Variants in REV1 observed in about 807,000 individuals in gnomAD.
REV1 encodes the protein translesion synthesis protein REV1.
Under a neutral mutation model 137.4 loss-of-function variants are expected in REV1, and 42 were observed. That is an observed-to-expected ratio of 0.31 (90% CI 0.24 to 0.40). The LOEUF (loss-of-function observed/expected upper bound fraction) is 0.40. Among genes scored for constraint, REV1 ranks in the 10% least tolerant of loss-of-function variants. The pLI is 1.00. For missense variants in REV1, 1,282 were observed against 1,490.1 expected, an observed-to-expected ratio of 0.86 and a Z score of 2.30; for synonymous variants, 524 against 519.2, an observed-to-expected ratio of 1.01 and a Z score of -0.12.
At chr2:99,442,275 A>AAT in intron 5 of REV1, 42 bp downstream of exon 5, 1 of 1,500,720 alleles carries the variant, frequency 6.7e-7, no homozygotes, top group Non-Finnish European at 8.9e-7. Flanking sequence ...AAAAAAAAAA[A>AAT]ACCAACCAGC....
chr2:99,449,551 G>C (rs1483983426), intron 3 of REV1, 47 bp from the exon 4 acceptor site: 3 of 1,009,674 alleles, frequency 3.0e-6, no homozygotes, highest in Non-Finnish European at 4.1e-6. Flanking sequence ...TGTGTAAGAA[G>C]TAGAACCCTA....
chr2:99,478,512 C>T (rs1686232861), intron 1 of REV1, among the ~76,000 whole-genome samples: 1 of 152,168 alleles, frequency 6.6e-6, no homozygotes, highest in Admixed American at 6.5e-5. Context: ...GAAGAAGCCA[C>T]TGATCTTCAC....
chr2:99,425,365 G>T (rs1443676398), intron 9 of REV1, among the ~76,000 whole-genome samples: 1 of 152,162 alleles, frequency 6.6e-6, no homozygotes, highest in Non-Finnish European at 1.5e-5. Context: ...TAAGTCCCTA[G>T]TAGATAAGAA....
chr2:99,419,480 G>C (rs930514627), intron 11 of REV1, among the ~76,000 whole-genome samples: 1 of 152,090 alleles, frequency 6.6e-6, no homozygotes, highest in East Asian at 1.9e-4. Flanking sequence ...AAAGTGCTGG[G>C]ACTACAGGAA....
intron 1 of REV1, among the ~76,000 whole-genome samples, chr2:99,469,715 T>C (rs1207495358): frequency 6.6e-6 from 1 of 152,248 alleles, no homozygotes; most frequent in Non-Finnish European, 1.5e-5. Context: ...GCATTTTTCC[T>C]AATGTTTTAT....
At chr2:99,471,187 T>C (rs934879336) in intron 1 of REV1, among the ~76,000 whole-genome samples, 2 of 152,230 alleles carry the variant, frequency 1.3e-5, no homozygotes, top group African/African-American at 2.4e-5. Flanking sequence ...AACACCTCTC[T>C]GTTTTCAGTG....
chr2:99,420,607 C>T lies in REV1; in HGVS notation c.1831+892G>A, dbSNP rs146889416. On this transcript the variant is annotated intron_variant, in intron 11 of 22. Transcript: ENST00000258428. ...GTAGTCCTGTGTAGCACGGTGTGCC[C>T]CTCCTCTCGGGAAATGGAAGTAACA... is the stretch of plus-strand genomic sequence containing the variant. Among the ~76,000 whole-genome samples the T allele has an allele frequency of 5.5e-3, 843 of 152,348 alleles. 5 individuals are homozygous for T. Among genetic ancestry groups the T allele is most frequent in the Middle Eastern group, 0.027 (8 of 294 alleles).
chr2:99,427,105 C>G (rs1679487646), intron 9 of REV1, among the ~76,000 whole-genome samples: 2 of 152,110 alleles, frequency 1.3e-5, no homozygotes, highest in African/African-American at 4.8e-5. Flanking sequence ...CGGCTTCAAC[C>G]TGGGAGGCAG....
intron 1 of REV1, among the ~76,000 whole-genome samples, chr2:99,471,909 A>C (rs1014627529): frequency 3.6e-4 from 54 of 151,754 alleles, no homozygotes; most frequent in African/African-American, 1.3e-3. Flanking sequence ...AAAAAAAAAA[A>C]AACAAGTGTT....
In REV1 at chr2:99,424,738, T is replaced by C. The variant is rs187536469; in HGVS notation, c.1548-458A>G. On this transcript the variant is annotated intron_variant, in intron 9 of 22. Transcript: ENST00000258428. Reference sequence around the variant, plus strand: ...AAAAGAACTACACAAAACAGTGCTATGTGACAAACAGACAAAATGTACTCA... The same window carrying C: ...AAAAGAACTACACAAAACAGTGCTACGTGACAAACAGACAAAATGTACTCA... The C allele has an allele frequency of 6.7e-4, 869 of 1,299,102 alleles. 3 individuals are homozygous for C. Among genetic ancestry groups the C allele is most frequent in the Middle Eastern group, 3.0e-3 (14 of 4,684 alleles). The allele number at this position is 1,299,102 out of a possible 1,614,324, so 80.5% of individuals were successfully genotyped here.
chr2:99,468,751 T>C (rs556994926), intron 1 of REV1, among the ~76,000 whole-genome samples: 1 of 152,334 alleles, frequency 6.6e-6, no homozygotes, highest in East Asian at 1.9e-4. Flanking sequence ...AAAAAACGGA[T>C]GAAGAGTGAA....
chr2:99,419,023 G>A (rs1678276629), intron 11 of REV1, 76 bp from the exon 12 acceptor site: 11 of 1,164,096 alleles, frequency 9.4e-6, no homozygotes, highest in Non-Finnish European at 1.4e-5. Context: ...TCTTCATACA[G>A]GTTATCCATC....
intron 2 of REV1, among the ~76,000 whole-genome samples, chr2:99,462,944 C>T (rs185538933): frequency 1.2e-4 from 18 of 151,662 alleles, no homozygotes; most frequent in East Asian, 5.8e-4. Flanking sequence ...AAAAATTAGC[C>T]GGGTGCAGTG....
chr2:99,437,492 A>C (rs1024494687), intron 6 of REV1, among the ~76,000 whole-genome samples: 2 of 152,178 alleles, frequency 1.3e-5, no homozygotes, highest in African/African-American at 4.8e-5. Flanking sequence ...ATATTATCTC[A>C]AGAAATGATT....
At chr2:99,404,793 G>A (rs1676043535) in intron 17 of REV1, 116 bp from the exon 18 acceptor site, 8 of 755,786 alleles carry the variant, frequency 1.1e-5, no homozygotes, top group Non-Finnish European at 1.7e-5. Context: ...TCAATGTAAG[G>A]TACAGACCAT....
chr2:99,411,170 C>T (rs547589172), intron 13 of REV1, among the ~76,000 whole-genome samples: 12 of 152,068 alleles, frequency 7.9e-5, no homozygotes, highest in Non-Finnish European at 1.6e-4. Flanking sequence ...TGCCTGTAAT[C>T]GCAGCTACTC....
chr2:99,409,012 A>G (rs1405534387), intron 14 of REV1, among the ~76,000 whole-genome samples: 1 of 152,212 alleles, frequency 6.6e-6, no homozygotes, highest in African/African-American at 2.4e-5. Context: ...CTAAAAGCTG[A>G]GCACAGTGGC....
intron 5 of REV1, among the ~76,000 whole-genome samples, chr2:99,440,128 T>C (rs906650115): frequency 3.4e-4 from 52 of 152,208 alleles, no homozygotes; most frequent in Middle Eastern, 3.2e-3. Context: ...CCAAGTTTCC[T>C]GATGACAGCT....
chr2:99,487,638 T>TA lies in REV1; in HGVS notation c.-11+2178dup, dbSNP rs566094023. ...AACGCTTCAGTTGGTGCTATTATAGTAAAAAAAAACTTTTCATTTTTAAAT... is the reference window on the plus strand; with the variant it reads ...AACGCTTCAGTTGGTGCTATTATAGTAAAAAAAAAACTTTTCATTTTTAAAT... On this transcript the variant is annotated intron_variant, in intron 1 of 22. Transcript: ENST00000258428. Among the ~76,000 whole-genome samples the TA allele has an allele frequency of 1.2e-3, 144 of 117,404 alleles. 38 individuals are homozygous for TA. Among genetic ancestry groups the TA allele is most frequent in the South Asian group, 3.4e-3 (14 of 4,130 alleles). 77.0% of individuals were successfully genotyped at this position (117,404 alleles called of 152,430 possible). A position where few individuals can be genotyped will look rare whatever the true frequency, so the allele number is the denominator to read the frequency against.
Sources: gnomAD v4.1 joint callset for allele counts (sites outside exome capture counted in the v4.1 genomes callset) on GRCh38, gnomAD v4.1.1 for gene constraint, MANE v1.5 for transcripts, NCBI Gene and HGNC (gene_info 2026-07-23, HGNC 2026-07-21) for gene names.